Variants in LRP1B observed in about 807,000 individuals in gnomAD.
LRP1B encodes LDL receptor related protein 1B, also known as low-density lipoprotein receptor-related protein 1B.
Under a neutral mutation model 556.6 loss-of-function variants are expected in LRP1B, and 217 were observed. That is an observed-to-expected ratio of 0.39 (90% confidence interval 0.35 to 0.44). LRP1B has a LOEUF of 0.44. Ranked by LOEUF, LRP1B falls within the 20% of genes least tolerant of loss-of-function variation. The pLI is 1.00. For missense variants in LRP1B, 5,053 were observed against 5,620.8 expected (o/e 0.90, Z 3.23); for synonymous variants, 2,047 against 1,865.8 (o/e 1.10, Z -2.50).
In LRP1B at chr2:140,737,667, A is replaced by G. The variant is rs541280605; in HGVS notation, c.5759-20851T>C. Among the ~76,000 whole-genome samples, 5 of 152,320 alleles carry G rather than the reference A, an allele frequency of 3.3e-5. No individual in the cohort carries two copies. The South Asian group carries it at 6.2e-4, about 19-fold the overall frequency. Reference sequence around the variant, plus strand: ...CACCACTATTCAACCCAGATGGTCAAGACTGTAAAAACTAAAAACTCATCT... The same window carrying G: ...CACCACTATTCAACCCAGATGGTCAGGACTGTAAAAACTAAAAACTCATCT... On this transcript the variant is annotated intron_variant, in intron 35 of 90. Coordinates refer to ENST00000389484, the MANE Select transcript of LRP1B (RefSeq NM_018557.3).
At chr2:141,093,050 G>GT (rs34579717) in intron 7 of LRP1B, among the ~76,000 whole-genome samples, 42,700 of 147,720 alleles carry the variant, frequency 0.29, 6,534 homozygotes, top group East Asian at 0.69. Flanking sequence ...CTTTTTTGTT[G>GT]TTTTTTTTTT....
intron 7 of LRP1B, among the ~76,000 whole-genome samples, chr2:141,142,452 A>C (rs1304720182): frequency 6.6e-6 from 1 of 152,204 alleles, no homozygotes; most frequent in East Asian, 1.9e-4. Flanking sequence ...TCATTAATTG[A>C]TATTACCACC....
chr2:140,338,504 C>G (rs1291719101), intron 77 of LRP1B, among the ~76,000 whole-genome samples: 1 of 151,656 alleles, frequency 6.6e-6, no homozygotes, highest in Non-Finnish European at 1.5e-5. Flanking sequence ...GGAAATCACC[C>G]TTTGTACTGA....
intron 1 of LRP1B, among the ~76,000 whole-genome samples, chr2:142,117,391 G>T (rs1222113457): frequency 6.6e-6 from 1 of 152,020 alleles, no homozygotes; most frequent in East Asian, 1.9e-4. Context: ...TGCCATAATG[G>T]CCCAGTCGAA....
Position 140,578,760 on chromosome 2 carries a change from A to T in LRP1B, c.7194+19871T>A, listed in dbSNP as rs538916412. Among the ~76,000 whole-genome samples, 12 of 151,976 alleles carry T rather than the reference A, an allele frequency of 7.9e-5. 1 individual carries two copies. Among genetic ancestry groups the T allele is most frequent in the East Asian group, 7.7e-4 (4 of 5,178 alleles). On this transcript the variant is annotated intron_variant, in intron 43 of 90. Coordinates refer to ENST00000389484, the MANE Select transcript of LRP1B (RefSeq NM_018557.3). ...TATAATAAAAAAAAATAAAATAAAT[A>T]AAAAAAATCAATCCCTTTCTCCCTG... is the stretch of plus-strand genomic sequence containing the variant.
intron 2 of LRP1B, among the ~76,000 whole-genome samples, chr2:141,515,305 GA>G (rs1559115239): frequency 6.8e-6 from 1 of 146,880 alleles, no homozygotes; most frequent in African/African-American, 2.5e-5. Flanking sequence ...TCCGTCAAAA[GA>G]AAAAAAAAAA....
chr2:141,065,210 TC>T (rs1699447120), intron 7 of LRP1B, among the ~76,000 whole-genome samples: 1 of 151,944 alleles, frequency 6.6e-6, no homozygotes, highest in Non-Finnish European at 1.5e-5. Flanking sequence ...TTTTATATAC[TC>T]ATTGAGCCAC....
intron 7 of LRP1B, among the ~76,000 whole-genome samples, chr2:141,157,766 A>T (rs1189322502): frequency 6.6e-6 from 1 of 152,166 alleles, no homozygotes; most frequent in Non-Finnish European, 1.5e-5. Context: ...AAAAGAATAT[A>T]GGTAAAAGCT....
At chr2:140,867,888 G>C (rs1391221444) in intron 26 of LRP1B, 54 bp from the exon 27 acceptor site, 11 of 1,464,818 alleles carry the variant, frequency 7.5e-6, no homozygotes, top group African/African-American at 2.9e-5. Flanking sequence ...AACTAGTCCA[G>C]AGACATAATC....
At chr2:141,748,116 T>TA (rs1280061523) in intron 2 of LRP1B, among the ~76,000 whole-genome samples, 3 of 152,224 alleles carry the variant, frequency 2.0e-5, no homozygotes, top group Non-Finnish European at 1.5e-5. Flanking sequence ...TTTATAATCT[T>TA]AATGTCCATA....
intron 17 of LRP1B, 117 bp from the exon 18 acceptor site, chr2:140,982,393 T>G: frequency 1.6e-6 from 1 of 615,806 alleles, no homozygotes; most frequent in Non-Finnish European, 2.8e-6. Flanking sequence ...TCTATTAAAA[T>G]AAAATATTTT....
chr2:141,635,687 A>T (rs775350320), intron 2 of LRP1B, among the ~76,000 whole-genome samples: 1 of 152,236 alleles, frequency 6.6e-6, no homozygotes, highest in Non-Finnish European at 1.5e-5. Context: ...AACATTTAGG[A>T]CATAACTTCA....
intron 41 of LRP1B, among the ~76,000 whole-genome samples, chr2:140,601,897 C>A: frequency 6.6e-6 from 1 of 152,002 alleles, no homozygotes; most frequent in Admixed American, 6.6e-5. Context: ...TAAATAATTG[C>A]CTTTCATTTT....
intron 1 of LRP1B, among the ~76,000 whole-genome samples, chr2:141,991,846 C>A (rs1484110967): frequency 3.9e-5 from 6 of 151,976 alleles, no homozygotes. Context: ...ACTGCTCATC[C>A]CAAATTTTGA....
intron 7 of LRP1B, among the ~76,000 whole-genome samples, chr2:141,111,874 T>C (rs781474042): frequency 2.0e-5 from 3 of 151,674 alleles, no homozygotes; most frequent in Non-Finnish European, 2.9e-5. Context: ...TGAAACCCCG[T>C]CTCTACCAAA....
chr2:140,714,168 C>A (rs1687132023), intron 37 of LRP1B, among the ~76,000 whole-genome samples: 1 of 152,128 alleles, frequency 6.6e-6, no homozygotes, highest in South Asian at 2.1e-4. Context: ...CAGCATACTT[C>A]ACAGTGTCTA....
chr2:140,769,483 T>C, intron 34 of LRP1B, 139 bp from the exon 35 acceptor site: 1 of 827,422 alleles, frequency 1.2e-6, no homozygotes, highest in East Asian at 2.9e-5. Context: ...AAAAAAATTA[T>C]TGTGTACTAC....
intron 2 of LRP1B, among the ~76,000 whole-genome samples, chr2:141,574,261 TC>T (rs1216095276): frequency 6.6e-6 from 1 of 152,204 alleles, no homozygotes; most frequent in African/African-American, 2.4e-5. Flanking sequence ...CAAATCAGCT[TC>T]ATCCCTGGGA....
chr2:140,677,213 G>C (rs1252520560), intron 41 of LRP1B, among the ~76,000 whole-genome samples: 1 of 152,162 alleles, frequency 6.6e-6, no homozygotes, highest in Non-Finnish European at 1.5e-5. Context: ...CATTGTCTTT[G>C]TCAACCACAG....
Sources: allele counts gnomAD v4.1 joint callset (sites outside exome capture counted in the v4.1 genomes callset), GRCh38; gene constraint gnomAD v4.1.1; transcripts MANE v1.5; gene names NCBI Gene and HGNC (gene_info 2026-07-23, HGNC 2026-07-21).